XPO1: variants seen among roughly 807,000 people sequenced by gnomAD.
XPO1 encodes exportin-1.
XPO1 carries 5 observed loss-of-function variants against 133.3 expected under a neutral mutation model. That is an observed-to-expected ratio of 0.04 (90% CI 0.02 to 0.08). The LOEUF (loss-of-function observed/expected upper bound fraction) is 0.08. Ranked by LOEUF, XPO1 falls within the 10% of genes least tolerant of loss-of-function variation. The pLI is 1.00. For synonymous variants in XPO1, 419 were observed against 408.2 expected (o/e 1.03, Z -0.32); for missense variants, 506 against 1,267.5 (o/e 0.40, Z 9.12).
intron 6 of XPO1, among the ~76,000 whole-genome samples, chr2:61,501,474 C>T (rs572381715): frequency 6.6e-6 from 1 of 151,826 alleles, no homozygotes; most frequent in African/African-American, 2.4e-5. Context: ...ATAATCCCAG[C>T]ACTTTGGGAG....
intron 17 of XPO1, among the ~76,000 whole-genome samples, 194 bp downstream of exon 17, chr2:61,490,448 C>T (rs1158312789): frequency 3.3e-5 from 5 of 152,182 alleles, no homozygotes; most frequent in Non-Finnish European, 5.9e-5. Flanking sequence ...ATCCGCCCGC[C>T]TCGGCCTTCC....
Position 61,523,998 on chromosome 2 carries a change from C to G in XPO1, c.229-1315G>C, listed in dbSNP as rs548563036. On this transcript the variant is annotated intron_variant, in intron 3 of 24. Transcript: ENST00000401558. ...AATCAGCAGTAAATAGTGATGCTTT[C>G]TAACCTGTTCACTTTTAAAAACATA... Among the ~76,000 whole-genome samples, 9 of 152,314 alleles carry G rather than the reference C, an allele frequency of 5.9e-5. 1 individual carries two copies. The highest frequency in any genetic ancestry group is 5.9e-4 in the Admixed American group (9 of 15,304).
intron 17 of XPO1, among the ~76,000 whole-genome samples, chr2:61,489,097 G>A (rs537286347): frequency 1.3e-4 from 12 of 94,150 alleles, no homozygotes; most frequent in African/African-American, 4.4e-4. Context: ...GCAAGACTCC[G>A]TCTCAAAAAA....
intron 2 of XPO1, among the ~76,000 whole-genome samples, chr2:61,533,050 G>A (rs961514857): frequency 6.6e-6 from 1 of 151,988 alleles, no homozygotes; most frequent in Non-Finnish European, 1.5e-5. Flanking sequence ...ATGGTGGCGT[G>A]TGCCTGTAAT....
At chr2:61,502,448 T>C (rs1444182389) in intron 4 of XPO1, 138 bp from the exon 5 acceptor site, 1 of 854,780 alleles carries the variant, frequency 1.2e-6, no homozygotes. Flanking sequence ...TCACCAGTAT[T>C]GGCATTTTAA....
At chr2:61,484,876 A>T (rs113646072) in intron 20 of XPO1, 1 of 152,540 alleles carries the variant, frequency 6.6e-6, no homozygotes, top group African/African-American at 2.4e-5. Flanking sequence ...TCGGCCTCCC[A>T]AAGTGCTGGG....
At chr2:61,521,316 A>T (rs1698678306) in intron 4 of XPO1, among the ~76,000 whole-genome samples, 1 of 152,222 alleles carries the variant, frequency 6.6e-6, no homozygotes, top group African/African-American at 2.4e-5. Context: ...TGATGATAAG[A>T]GAATGCAGGT....
chr2:61,533,017 A>G (rs1480622362), intron 2 of XPO1, among the ~76,000 whole-genome samples: 3 of 151,134 alleles, frequency 2.0e-5, no homozygotes, highest in Non-Finnish European at 4.4e-5. Context: ...CATCTCTACT[A>G]AAAATACAAA....
intron 24 of XPO1, among the ~76,000 whole-genome samples, chr2:61,479,881 T>C (rs763960544): frequency 3.3e-4 from 50 of 151,224 alleles, no homozygotes; most frequent in Non-Finnish European, 6.5e-4. Context: ...CTCTTTTCTT[T>C]TGAGAGGCAG....
rs186621295 is a variant in XPO1 at position 61,538,117 on chromosome 2, C to A, written c.-562G>T. The A allele has an allele frequency of 9.9e-6, 2 of 201,516 alleles. No homozygotes were observed. Among genetic ancestry groups the A allele is most frequent in the South Asian group, 1.7e-4 (1 of 5,854 alleles). 12.5% of individuals were successfully genotyped at this position (201,516 alleles called of 1,614,324 possible). A position where few individuals can be genotyped will look rare whatever the true frequency, so the allele number is the denominator to read the frequency against. ...CAGCGACTGGTGGTTCCCCCCTCCCCCTCTGGGTGGTTGCACGGACTGCAG... is the reference window on the plus strand; with the variant it reads ...CAGCGACTGGTGGTTCCCCCCTCCCACTCTGGGTGGTTGCACGGACTGCAG... On this transcript the variant is annotated 5_prime_UTR_variant, in exon 1 of 25. Transcript: ENST00000401558.
In XPO1 at chr2:61,483,510, T is replaced by C. The variant is rs572960219; in HGVS notation, c.2678-419A>G. ...TCAGAAATCACCACTGAAGAACTTA[T>C]TCATGTAACCAAAAACCACCTGTTC... On this transcript the variant is annotated intron_variant, in intron 21 of 24. Transcript: ENST00000401558. 219 of 189,408 alleles carry C rather than the reference T, an allele frequency of 1.2e-3. 1 individual carries two copies. Among genetic ancestry groups the C allele is most frequent in the Non-Finnish European group, 3.7e-4 (35 of 93,826 alleles). The allele number at this position is 189,408 out of a possible 1,614,324, so 11.7% of individuals were successfully genotyped here. A position where few individuals can be genotyped will look rare whatever the true frequency, so the allele number is the denominator to read the frequency against.
chr2:61,502,520 A>C (rs1227515853), intron 4 of XPO1: 2 of 432,158 alleles, frequency 4.6e-6, no homozygotes, highest in East Asian at 8.9e-5. Flanking sequence ...TGGGAGGCTG[A>C]GGTGGGTGGA....
At chr2:61,504,790 A>C (rs1344747775) in intron 4 of XPO1, among the ~76,000 whole-genome samples, 1 of 152,194 alleles carries the variant, frequency 6.6e-6, no homozygotes, top group Non-Finnish European at 1.5e-5. Context: ...TAATTATATA[A>C]TTTTTATTAA....
intron 4 of XPO1, among the ~76,000 whole-genome samples, chr2:61,520,906 C>CG (rs1698659202): frequency 1.3e-5 from 2 of 152,072 alleles, no homozygotes; most frequent in African/African-American, 4.8e-5. Context: ...ATCTGGGGCT[C>CG]ATAACACATG....
chr2:61,481,054 A>T, intron 24 of XPO1, 131 bp downstream of exon 24: 1 of 522,800 alleles, frequency 1.9e-6, no homozygotes. Flanking sequence ...GATTACAGAG[A>T]TTGTGTAAAC....
Position 61,495,469 on chromosome 2 carries a change from C to T in XPO1, c.1033G>A (p.Glu345Lys). 6.4e-7 allele frequency: 1 copy of T among 1,564,154 alleles called. No individual in the cohort carries two copies. The highest frequency in any genetic ancestry group is 8.7e-7 in the Non-Finnish European group (1 of 1,150,836). ...QLIEKRLNLR[E>K]TLMEALHYML... is the part of the protein sequence containing the mutation. ...ACATATCTTACCTCCATAAGAGTTT[C>T]CCTGAGATTTAATCTTTTTTCTATA... The change falls in exon 11 of 25, where the codon GAA becomes AAA. Residue 345 changes from glutamate to lysine, a missense_variant. Glu to Lys is a moderately conservative substitution (Grantham distance 56). This residue lies in a region of XPO1 where 134 missense variants were observed against 261.6 expected (regional missense o/e 0.51). Transcript: ENST00000401558.
intron 4 of XPO1, among the ~76,000 whole-genome samples, chr2:61,508,116 C>A (rs1217386682): frequency 1.3e-5 from 2 of 151,966 alleles, no homozygotes; most frequent in African/African-American, 4.8e-5. Context: ...GTAATCCCAG[C>A]ACTTTGGGAG....
chr2:61,478,013 TAA>T lies in XPO1; in HGVS notation c.*805_*806del, dbSNP rs1487414695. The T allele has an allele frequency of 1.7e-5, 4 of 232,382 alleles. No homozygotes were observed. The highest frequency in any genetic ancestry group is 8.8e-5 in the African/African-American group (4 of 45,282). The allele number at this position is 232,382 out of a possible 1,614,324, so 14.4% of individuals were successfully genotyped here. On this transcript the variant is annotated 3_prime_UTR_variant, in exon 25 of 25. Transcript: ENST00000401558. ...GCTTGGTAAACAATGTAAATTAGTA[TAA>T]GTCATCTCAAAAGCCAGAGTTGTTT...
At chr2:61,516,913 A>AT (rs1472959981) in intron 4 of XPO1, among the ~76,000 whole-genome samples, 3 of 151,402 alleles carry the variant, frequency 2.0e-5, no homozygotes, top group East Asian at 2.0e-4. Context: ...TTAATTAATT[A>AT]TTTTTTAATT....
Sources: gnomAD v4.1 joint callset for allele counts (sites outside exome capture counted in the v4.1 genomes callset) on GRCh38, gnomAD v4.1.1 for gene constraint, gnomAD v4.1.1 regional missense constraint, MANE v1.5 for transcripts, NCBI Gene and HGNC (gene_info 2026-07-23, HGNC 2026-07-21) for gene names.